Variants in GRM5 observed in about 807,000 individuals in gnomAD.
GRM5 encodes the protein glutamate metabotropic receptor 5, also known as metabotropic glutamate receptor 5.
In GRM5, 19 loss-of-function variants were observed where a neutral mutation model predicts 83.1. The ratio of observed to expected loss-of-function variants is 0.23; its 90% CI spans 0.16 to 0.34. The LOEUF (loss-of-function observed/expected upper bound fraction) is 0.34, where lower values mean the gene tolerates loss of function less well. Among genes scored for constraint, GRM5 ranks in the 10% least tolerant of loss-of-function variants. The pLI is 1.00. For synonymous variants in GRM5, 675 were observed against 633.6 expected, an observed-to-expected ratio of 1.07 and a Z score of -0.98; for missense variants, 1,160 against 1,588.3, an observed-to-expected ratio of 0.73 and a Z score of 4.58.
intron 3 of GRM5, among the ~76,000 whole-genome samples, chr11:88,780,453 G>A (rs531587612): frequency 3.2e-4 from 48 of 152,236 alleles, no homozygotes; most frequent in East Asian, 1.7e-3. Flanking sequence ...CTGCCGTTAC[G>A]TTTTATGATG....
At chr11:88,771,677 C>G (rs779565076) in intron 3 of GRM5, among the ~76,000 whole-genome samples, 4 of 152,036 alleles carry the variant, frequency 2.6e-5, no homozygotes, top group Non-Finnish European at 5.9e-5. Flanking sequence ...ACAGACATAC[C>G]CAGAAACAAT....
chr11:89,056,753 A>G (rs1941883853), intron 1 of GRM5, among the ~76,000 whole-genome samples: 1 of 152,146 alleles, frequency 6.6e-6, no homozygotes, highest in South Asian at 2.1e-4. Flanking sequence ...CATTTAATTC[A>G]CTAAAAAGTG....
intron 3 of GRM5, among the ~76,000 whole-genome samples, chr11:88,724,642 C>G (rs1941632984): frequency 6.6e-6 from 1 of 152,080 alleles, no homozygotes; most frequent in Non-Finnish European, 1.5e-5. Flanking sequence ...ACAAACAGCT[C>G]CAGTCTGCAG....
Position 88,646,047 on chromosome 11 carries a change from C to T in GRM5, c.1147+7121G>A, listed in dbSNP as rs534701106. Among the ~76,000 whole-genome samples the T allele has an allele frequency of 3.0e-4, 46 of 152,012 alleles. No homozygotes were observed. The Middle Eastern group carries it at 0.01, about 34-fold the overall frequency. On this transcript the variant is annotated intron_variant, in intron 4 of 9. Coordinates refer to ENST00000305447, the MANE Select transcript of GRM5 (RefSeq NM_001143831.3). ...ATTTTAGATGTTTAAGTTTGAGATG[C>T]TTTTAGGAAATTTAGGTGAAAATGT...
At chr11:88,728,569 A>G (rs1941735402) in intron 3 of GRM5, among the ~76,000 whole-genome samples, 1 of 151,986 alleles carries the variant, frequency 6.6e-6, no homozygotes, top group Non-Finnish European at 1.5e-5. Flanking sequence ...GAGACACAAC[A>G]AAAAAAGAAA....
chr11:88,711,225 C>A (rs1041831203), intron 3 of GRM5, among the ~76,000 whole-genome samples: 4 of 152,030 alleles, frequency 2.6e-5, no homozygotes, highest in African/African-American at 9.7e-5. Flanking sequence ...GACAGCCCTA[C>A]AGGAAGGAAA....
chr11:88,558,266 C>T (rs561865439), intron 8 of GRM5, among the ~76,000 whole-genome samples: 9 of 152,276 alleles, frequency 5.9e-5, no homozygotes, highest in African/African-American at 2.2e-4. Context: ...GGGTTTGTGA[C>T]TCAGCTCTTG....
At chr11:88,911,647 A>C (rs186616959) in intron 2 of GRM5, among the ~76,000 whole-genome samples, 139 of 152,260 alleles carry the variant, frequency 9.1e-4, no homozygotes, top group African/African-American at 2.9e-3. Context: ...TTTGACTTTG[A>C]ATATGTCACT....
At chr11:88,942,697 A>G (rs572915919) in intron 2 of GRM5, among the ~76,000 whole-genome samples, 1 of 151,980 alleles carries the variant, frequency 6.6e-6, no homozygotes, top group African/African-American at 2.4e-5. Flanking sequence ...ATAATGACCT[A>G]GATTTGTCAT....
chr11:88,868,705 G>A (rs952266786), intron 2 of GRM5, among the ~76,000 whole-genome samples: 1 of 151,696 alleles, frequency 6.6e-6, no homozygotes, highest in African/African-American at 2.4e-5. Flanking sequence ...AACTAAAACT[G>A]CTCATTAGAT....
chr11:88,781,109 A>T (rs1005312666), intron 3 of GRM5, among the ~76,000 whole-genome samples: 2 of 73,430 alleles, frequency 2.7e-5, no homozygotes, highest in African/African-American at 5.2e-5. Flanking sequence ...GCTGTGTTTT[A>T]TATATATACA....
At chr11:88,788,045 A>G (rs1423293263) in intron 3 of GRM5, among the ~76,000 whole-genome samples, 1 of 152,084 alleles carries the variant, frequency 6.6e-6, no homozygotes, top group Non-Finnish European at 1.5e-5. Flanking sequence ...TGTTTTATAA[A>G]TGTTGCCCTG....
rs960631750 is a variant in GRM5, at chr11:88,527,715, A to G, written c.2631-2311T>C. On this transcript the variant is annotated intron_variant, in intron 8 of 9. Coordinates refer to ENST00000305447, the MANE Select transcript of GRM5 (RefSeq NM_001143831.3). ...TAAATGCCCATCAACGGTAAAATGG[A>G]TAAAGAAAATGTGGTACATATACAT... Among the ~76,000 whole-genome samples, 4 of 152,306 alleles carry G rather than the reference A, an allele frequency of 2.6e-5. No homozygotes were observed. In the East Asian group the frequency reaches 7.7e-4, roughly 29 times the overall value.
chr11:88,617,110 A>C (rs1021281050), intron 4 of GRM5, among the ~76,000 whole-genome samples: 2 of 152,336 alleles, frequency 1.3e-5, no homozygotes, highest in Non-Finnish European at 2.9e-5. Context: ...GTAGAACAGC[A>C]CTTGTTTAAA....
At chr11:88,822,021 TA>T (rs1243629468) in intron 3 of GRM5, among the ~76,000 whole-genome samples, 4 of 152,188 alleles carry the variant, frequency 2.6e-5, no homozygotes, top group African/African-American at 9.7e-5. Context: ...TTTTATACAT[TA>T]TTTTTTGAAT....
chr11:88,522,603 C>CTGTGTGTG (rs55777647), intron 9 of GRM5, among the ~76,000 whole-genome samples: 8 of 127,212 alleles, frequency 6.3e-5, no homozygotes, highest in African/African-American at 8.5e-5. Context: ...CTCTCTCTCT[C>CTGTGTGTG]TGTGTGTGTG....
chr11:88,728,151 G>A (rs2135403300), intron 3 of GRM5, among the ~76,000 whole-genome samples: 1 of 152,150 alleles, frequency 6.6e-6, no homozygotes, highest in South Asian at 2.1e-4. Flanking sequence ...AAGAAAAAAA[G>A]AGAAGAATCA....
intron 3 of GRM5, among the ~76,000 whole-genome samples, chr11:88,681,211 T>A (rs139614630): frequency 1.3e-5 from 2 of 152,278 alleles, no homozygotes; most frequent in East Asian, 1.9e-4. Flanking sequence ...AGTCTTAATT[T>A]GCTCTCATCC....
At chr11:88,680,329 G>T (rs532421072) in intron 3 of GRM5, among the ~76,000 whole-genome samples, 1 of 152,116 alleles carries the variant, frequency 6.6e-6, no homozygotes, top group African/African-American at 2.4e-5. Flanking sequence ...GTGAGAACAC[G>T]TGGTGTTTGG....
Sources: allele counts gnomAD v4.1 joint callset (sites outside exome capture counted in the v4.1 genomes callset), GRCh38; gene constraint gnomAD v4.1.1; transcripts MANE v1.5; gene names NCBI Gene and HGNC (gene_info 2026-07-23, HGNC 2026-07-21).